CARS2: variants seen among roughly 807,000 people sequenced by gnomAD.
CARS2 encodes cysteinyl-tRNA synthetase 2, mitochondrial.
Under a neutral mutation model 68.8 loss-of-function variants are expected in CARS2, and 52 were observed. The observed-to-expected ratio is 0.76, with a 90% CI of 0.61 to 0.95. The LOEUF is 0.95. Among genes scored for constraint, CARS2 ranks in the 40% least tolerant of loss-of-function variants. CARS2 has a pLI of 0.00. For synonymous variants in CARS2, 314 were observed against 303.6 expected, an observed-to-expected ratio of 1.03 and a Z score of -0.36; for missense variants, 780 against 754.2, an observed-to-expected ratio of 1.03 and a Z score of -0.40.
chr13:110,648,451 C>T (rs1594228582), intron 10 of CARS2: 2 of 152,382 alleles, frequency 1.3e-5, no homozygotes, highest in East Asian at 3.9e-4. Context: ...AGATGGGAGA[C>T]ACTTCTCCAA....
chr13:110,661,709 G>T (rs2062506579), intron 9 of CARS2, among the ~76,000 whole-genome samples: 1 of 152,152 alleles, frequency 6.6e-6, no homozygotes, highest in Non-Finnish European at 1.5e-5. Flanking sequence ...AGAGATGTGT[G>T]ACTCTTCCTT....
chr13:110,683,811 G>C (rs1393356433), intron 5 of CARS2, among the ~76,000 whole-genome samples: 11 of 152,194 alleles, frequency 7.2e-5, no homozygotes, highest in African/African-American at 2.7e-4. Flanking sequence ...GAGCTGAAGA[G>C]TTCGAGACCA....
In CARS2 at chr13:110,668,728, A is replaced by G. The variant is rs1049659179; in HGVS notation, c.786-1255T>C. On this transcript the variant is annotated intron_variant, in intron 7 of 14. Coordinates refer to ENST00000257347, the MANE Select transcript of CARS2 (RefSeq NM_024537.4). This position sits in a 1 kb window ranked among gnomAD's most constrained non-coding sequence, Gnocchi z 4.1. Reference sequence around the variant, plus strand: ...GATCTGAAGCCAACACAACGACGTGAAAGTTTCACAAGCTGAACTATGGGG... The same window carrying G: ...GATCTGAAGCCAACACAACGACGTGGAAGTTTCACAAGCTGAACTATGGGG... 2.0e-5 allele frequency among the ~76,000 whole-genome samples: 3 copies of G among 152,274 alleles called. No homozygotes were observed. Among genetic ancestry groups the G allele is most frequent in the African/African-American group, 4.8e-5 (2 of 41,558 alleles).
intron 8 of CARS2, chr13:110,663,806 T>C (rs2062574993): frequency 1.7e-6 from 2 of 1,200,466 alleles, no homozygotes; most frequent in East Asian, 3.7e-5. Flanking sequence ...ACCGTGGTAC[T>C]GACAGCAGTA....
intron 6 of CARS2, among the ~76,000 whole-genome samples, chr13:110,682,474 C>A (rs1008793416): frequency 2.0e-5 from 3 of 152,218 alleles, no homozygotes; most frequent in Non-Finnish European, 2.9e-5. Context: ...TGCCTAAAAC[C>A]AGAAATACCT....
Position 110,654,059 on chromosome 13 carries a change from G to A in CARS2, c.988-2959C>T, listed in dbSNP as rs183534496. On this transcript the variant is annotated intron_variant, in intron 9 of 14. Transcript: ENST00000257347. ...ACCGGATTGGCCTTCAGGTGGGGAT[G>A]GTAACAAGCCATGTGAGCCCCAGTG... 7.9e-5 allele frequency among the ~76,000 whole-genome samples: 12 copies of A among 152,278 alleles called. No individual in the cohort carries two copies. In the East Asian group the frequency reaches 2.3e-3, roughly 29 times the overall value.
At chr13:110,643,500 G>A (rs747817715) in intron 13 of CARS2, 2 of 153,392 alleles carry the variant, frequency 1.3e-5, no homozygotes, top group Non-Finnish European at 2.9e-5. Flanking sequence ...TTGGCCCAGA[G>A]CCAGGCCTTC....
At chr13:110,646,150 C>G (rs1004633069) in intron 11 of CARS2, 60 bp from the exon 12 acceptor site, 1 of 1,546,740 alleles carries the variant, frequency 6.5e-7, no homozygotes, top group Non-Finnish European at 8.7e-7. Context: ...CAGGCGGCCC[C>G]CACACCAGTC....
Position 110,644,376 on chromosome 13 carries a change from A to G in CARS2, c.1416+9T>C. ...TCCAGAATTAAGCATTTAAAATAAT[A>G]GGACCTACCTGTTGATTTGCCAGAG... is the stretch of plus-strand genomic sequence containing the variant. On this transcript the variant is annotated intron_variant, in intron 13 of 14. Coordinates refer to ENST00000257347, the MANE Select transcript of CARS2 (RefSeq NM_024537.4). 6.2e-7 allele frequency: 1 copy of G among 1,610,326 alleles called. No individual in the cohort carries two copies. Among genetic ancestry groups the G allele is most frequent in the African/African-American group, 1.3e-5 (1 of 74,954 alleles).
chr13:110,690,138 G>GA (rs1212731006), intron 3 of CARS2, among the ~76,000 whole-genome samples: 4 of 152,196 alleles, frequency 2.6e-5, no homozygotes, highest in African/African-American at 4.8e-5. Flanking sequence ...TGAGGCAGGA[G>GA]AATCGCTTGA....
chr13:110,703,907 G>A (rs535442376), intron 2 of CARS2, among the ~76,000 whole-genome samples: 2 of 152,342 alleles, frequency 1.3e-5, no homozygotes, highest in Admixed American at 1.3e-4. Context: ...ACGGTTTTAG[G>A]AGGTGGAGCC....
chr13:110,713,126 G>A (rs1320137018), intron 1 of CARS2: 1 of 1,427,742 alleles, frequency 7.0e-7, no homozygotes, highest in Non-Finnish European at 9.2e-7. Flanking sequence ...AGTCCGGGGG[G>A]CATTACTCAC....
In CARS2 at chr13:110,705,976, G is replaced by A; in HGVS notation, c.118C>T (p.Arg40Trp). Reference sequence around the variant, plus strand: ...CGGCCCGTGGGCTGCAGCCAGGCCCGCCCGCGCCCCCCGCTCGCCGCCCGG... The same window carrying A: ...CGGCCCGTGGGCTGCAGCCAGGCCCACCCGCGCCCCCCGCTCGCCGCCCGG... ...AGRAASGGRG[R>W]AWLQPTGRET... Residue 40 changes from arginine to tryptophan, a missense_variant, in exon 1 of 15, where the codon CGG (arginine) becomes TGG (tryptophan). Coordinates refer to ENST00000257347, the MANE Select transcript of CARS2 (RefSeq NM_024537.4). This position sits in a 1 kb window ranked among gnomAD's most constrained non-coding sequence, Gnocchi z 4.0. 1.3e-6 allele frequency: 2 copies of A among 1,513,460 alleles called. No individual in the cohort carries two copies. Among genetic ancestry groups the A allele is most frequent in the Non-Finnish European group, 1.8e-6 (2 of 1,134,952 alleles). 93.8% of individuals were successfully genotyped at this position (1,513,460 alleles called of 1,614,324 possible). A position where few individuals can be genotyped will look rare whatever the true frequency, so the allele number is the denominator to read the frequency against.
rs1887488018 is a variant in CARS2 at position 110,642,451 on chromosome 13, T to G, written c.1487A>C (p.Lys496Thr). 6.2e-7 allele frequency: 1 copy of G among 1,608,272 alleles called. No homozygotes were observed. The highest frequency in any genetic ancestry group is 8.5e-7 in the Non-Finnish European group (1 of 1,177,798). The change falls in exon 14 of 15, where the codon AAG becomes ACG. Residue 496 changes from lysine (K) to threonine (T), a missense_variant. Lys to Thr is a moderately conservative substitution (Grantham distance 78). Coordinates refer to ENST00000257347, the MANE Select transcript of CARS2 (RefSeq NM_024537.4). ...CATGGCCAGCGCAAACTGCCGGACC[T>G]TCTGCCGGAACCGCACCAGCTCGTC... ...VVDELVRFRQ[K>T]VRQFALAMPE...
chr13:110,699,030 AACC>A (rs2063707115), intron 3 of CARS2, among the ~76,000 whole-genome samples: 1 of 151,826 alleles, frequency 6.6e-6, no homozygotes, highest in African/African-American at 2.4e-5. Flanking sequence ...AAGAAAAAAA[AACC>A]CAAGGAGGGG....
chr13:110,708,803 G>C (rs1305715333), upstream of CARS2, among the ~76,000 whole-genome samples: 1 of 90,692 alleles, frequency 1.1e-5, no homozygotes, highest in Non-Finnish European at 3.0e-5. Context: ...ACCCAGGCTG[G>C]AGTGCAGTGG....
At chr13:110,710,247 C>T (rs1490221471), upstream of CARS2, among the ~76,000 whole-genome samples, 1 of 152,016 alleles carries the variant, frequency 6.6e-6, no homozygotes, top group African/African-American at 2.4e-5. Flanking sequence ...TTGGGCATGG[C>T]GTCCGGCACC....
chr13:110,707,599 G>A (rs9301476), upstream of CARS2: 95,511 of 151,234 alleles, frequency 0.63, 31,943 homozygotes, highest in South Asian at 0.77. Context: ...GTGAGCTGAG[G>A]TCACACCACT....
intron 6 of CARS2, among the ~76,000 whole-genome samples, chr13:110,682,023 C>T (rs879807302): frequency 1.3e-5 from 2 of 152,028 alleles, no homozygotes; most frequent in Non-Finnish European, 2.9e-5. Flanking sequence ...TCACCCAAAC[C>T]CAGAGCACAC....
Sources: allele counts gnomAD v4.1 joint callset (sites outside exome capture counted in the v4.1 genomes callset), GRCh38; gene constraint gnomAD v4.1.1; non-coding constraint Gnocchi (gnomAD v3.1); transcripts MANE v1.5; gene names NCBI Gene and HGNC (gene_info 2026-07-23, HGNC 2026-07-21).